LAMA1: variants seen among roughly 807,000 people sequenced by gnomAD.
The protein encoded by LAMA1 is laminin subunit alpha 1, also known as laminin subunit alpha-1.
A neutral mutation model predicts 348.7 loss-of-function variants in LAMA1; 219 were observed. The ratio of observed to expected loss-of-function variants is 0.63; its 90% CI spans 0.56 to 0.70. LAMA1 has a LOEUF of 0.70. Ranked by LOEUF, LAMA1 falls within the 30% of genes least tolerant of loss-of-function variation. LAMA1 has a pLI of 0.00. For missense variants in LAMA1, 3,744 were observed against 3,888.0 expected, an observed-to-expected ratio of 0.96 and a Z score of 0.99; for synonymous variants, 1,487 against 1,491.0, an observed-to-expected ratio of 1.00 and a Z score of 0.06.
At chr18:7,079,742 A>G (rs766603265) in intron 3 of LAMA1, 47 of 551,660 alleles carry the variant, frequency 8.5e-5, no homozygotes, top group Admixed American at 4.5e-4. Context: ...TTCGAAGAAC[A>G]TCAACCATAT....
In LAMA1 at chr18:6,949,202, G is replaced by C. The variant is rs2057535537; in HGVS notation, c.8455C>G (p.Pro2819Ala). Residue 2819 changes from proline (P) to alanine (A), a missense_variant, in exon 59 of 63, where the codon CCC becomes GCC. Around this residue, in one of 3 missense-constraint regions of LAMA1, gnomAD observed 1,983 missense variants for 1,934.3 expected, o/e 1.03. Transcript: ENST00000389658. ...GFITVDGRES[P>A]MVTVVGDGTM... The stretch of plus-strand genomic sequence containing the variant: ...CCATCTCCCACCACAGTCACCATGG[G>C]AGACTCTCGGCCGTCGACAGTTATG... 7 of 1,614,172 alleles carry C rather than the reference G, an allele frequency of 4.3e-6. No homozygotes were observed. Among genetic ancestry groups the C allele is most frequent in the Non-Finnish European group, 5.9e-6 (7 of 1,180,034 alleles).
At chr18:7,084,407 G>A (rs1222522150) in intron 1 of LAMA1, among the ~76,000 whole-genome samples, 1 of 152,170 alleles carries the variant, frequency 6.6e-6, no homozygotes, top group African/African-American at 2.4e-5. Context: ...AACGAGGACT[G>A]TAGCTATGTG....
At chr18:7,105,039 A>T (rs773450341) in intron 1 of LAMA1, among the ~76,000 whole-genome samples, 1 of 152,226 alleles carries the variant, frequency 6.6e-6, no homozygotes, top group Non-Finnish European at 1.5e-5. Context: ...TATGGAAAGG[A>T]AAATGGCTCG....
Position 7,033,087 on chromosome 18 carries a change from G to T in LAMA1, c.2060C>A (p.Ser687Tyr). Residue 687 changes from serine to tyrosine, a missense_variant, in exon 15 of 63, where the codon TCC becomes TAC. Coordinates refer to ENST00000389658, the MANE Select transcript of LAMA1 (RefSeq NM_005559.4). ...SAKMALYRLE[S>Y]VSLDIASSNA... ...AGAGCTGGCTATGTCCAGAGAGACG[G>T]ACTCCAACCTACAAATAGACAGATT... 1 of 1,607,470 alleles carries T rather than the reference G, an allele frequency of 6.2e-7. No individual in the cohort carries two copies. The highest frequency in any genetic ancestry group is 1.1e-5 in the South Asian group (1 of 90,036).
intron 43 of LAMA1, 112 bp downstream of exon 43, chr18:6,978,084 G>C (rs955297630): frequency 2.8e-6 from 4 of 1,436,922 alleles, no homozygotes; most frequent in Non-Finnish European, 3.9e-6. Flanking sequence ...CCAGATGTTA[G>C]CATACTTCTA....
chr18:6,993,621 C>A lies in LAMA1; in HGVS notation c.5008+20G>T. 6.6e-7 allele frequency: 1 copy of A among 1,526,226 alleles called. No individual in the cohort carries two copies. Among genetic ancestry groups the A allele is most frequent in the African/African-American group, 1.4e-5 (1 of 73,516 alleles). 94.5% of individuals were successfully genotyped at this position (1,526,226 alleles called of 1,614,324 possible). ...ACTAGATAAGCACAGATACTTCAAACTAGACACTGCCCACACTACCTGTGA... is the reference window on the plus strand; with the variant it reads ...ACTAGATAAGCACAGATACTTCAAAATAGACACTGCCCACACTACCTGTGA... On this transcript the variant is annotated intron_variant, in intron 35 of 62. Transcript: ENST00000389658.
intron 60 of LAMA1, 43 bp downstream of exon 60, chr18:6,948,360 G>C (rs768515242): frequency 1.9e-6 from 3 of 1,613,330 alleles, no homozygotes; most frequent in Non-Finnish European, 1.7e-6. Context: ...TTAGAGTACA[G>C]ACTCATTCGG....
intron 1 of LAMA1, among the ~76,000 whole-genome samples, chr18:7,105,563 G>A (rs1158308981): frequency 6.6e-6 from 1 of 152,214 alleles, no homozygotes; most frequent in African/African-American, 2.4e-5. Context: ...GAAGGTGCAA[G>A]AGGAGATCAG....
chr18:7,079,953 CA>C, intron 3 of LAMA1, 21 bp downstream of exon 3: 1 of 1,549,098 alleles, frequency 6.5e-7, no homozygotes, highest in Non-Finnish European at 8.9e-7. Flanking sequence ...AGACACTCTT[CA>C]ATGGTTCTGG....
chr18:7,058,332 T>C (rs1313206180), intron 3 of LAMA1, among the ~76,000 whole-genome samples: 1 of 152,036 alleles, frequency 6.6e-6, no homozygotes. Flanking sequence ...GTCCTCAAGG[T>C]CCCCAAACTG....
chr18:7,007,330 G>C, intron 28 of LAMA1, 54 bp from the exon 29 acceptor site: 1 of 1,541,498 alleles, frequency 6.5e-7, no homozygotes, highest in Middle Eastern at 1.8e-4. Context: ...GTGAGTGAAG[G>C]ACTTGAATAG....
At chr18:7,003,303 T>G (rs13381337) in intron 29 of LAMA1, among the ~76,000 whole-genome samples, 11,503 of 151,068 alleles carry the variant, frequency 0.076, 508 homozygotes, top group African/African-American at 0.11. Flanking sequence ...CAGGCCAGAG[T>G]GCAGAGGCAT....
chr18:7,087,684 C>A (rs760879935), intron 1 of LAMA1, among the ~76,000 whole-genome samples: 8 of 152,136 alleles, frequency 5.3e-5, no homozygotes, highest in African/African-American at 1.9e-4. Flanking sequence ...ACTCTGAAAT[C>A]GCTAGTGCCT....
At chr18:7,070,119 G>A (rs2058139813) in intron 3 of LAMA1, among the ~76,000 whole-genome samples, 1 of 152,170 alleles carries the variant, frequency 6.6e-6, no homozygotes, top group Admixed American at 6.5e-5. Flanking sequence ...AATGTCTGAA[G>A]GACAGGAATT....
At position 6,961,779 on chromosome 18, in the gene LAMA1, A is replaced by G. The variant is rs759668567; in HGVS notation, c.7453-20T>C. On this transcript the variant is annotated intron_variant, in intron 52 of 62. Coordinates refer to ENST00000389658, the MANE Select transcript of LAMA1 (RefSeq NM_005559.4). ...GATGGGCTGGACACAGAGGAGATGG[A>G]ACAGCATGGTGAGTTCCTAGCTGCG... 1 of 1,613,988 alleles carries G rather than the reference A, an allele frequency of 6.2e-7. No homozygotes were observed. The highest frequency in any genetic ancestry group is 1.7e-5 in the Admixed American group (1 of 60,020).
chr18:6,997,739 T>C lies in LAMA1; in HGVS notation c.4806+3A>G. The C allele has an allele frequency of 6.2e-7, 1 of 1,612,760 alleles. No individual in the cohort carries two copies. Among genetic ancestry groups the C allele is most frequent in the South Asian group, 1.1e-5 (1 of 91,054 alleles). ...TGTTCATCTCTGTATTTCCAGTACC[T>C]ACCTGGAGATATTTAGTTGTATTTT... is the stretch of plus-strand genomic sequence containing the variant. On this transcript the variant is annotated splice_donor_region_variant and intron_variant, in intron 33 of 62. Transcript: ENST00000389658.
At position 6,985,232 on chromosome 18, in the gene LAMA1, C is replaced by A. The variant is rs767853385; in HGVS notation, c.5660+5G>T. 20 of 1,613,898 alleles carry A rather than the reference C, an allele frequency of 1.2e-5. No homozygotes were observed. The Admixed American group carries it at 3.3e-4, about 27-fold the overall frequency. On this transcript the variant is annotated splice_donor_5th_base_variant and intron_variant, in intron 39 of 62. Transcript: ENST00000389658. ...TCTTGAGTTCCCACAAAGGCGTGTT[C>A]CTACCTGTACAGAACATCTGCTAGT...
At chr18:7,018,173 T>C (rs2057897552) in intron 19 of LAMA1, among the ~76,000 whole-genome samples, 1 of 151,086 alleles carries the variant, frequency 6.6e-6, no homozygotes, top group South Asian at 2.1e-4. Context: ...CCATCTCTAC[T>C]AAAAATACAA....
rs868677162 is a variant in LAMA1, at chr18:7,098,546, G to A, written c.62-18089C>T. ...AGCACCTCTGCCCGGCTGCGACCCC[G>A]TCTGGGAGGTGAGGAGCATCTCTGC... On this transcript the variant is annotated intron_variant, in intron 1 of 62. Coordinates refer to ENST00000389658, the MANE Select transcript of LAMA1 (RefSeq NM_005559.4). Among the ~76,000 whole-genome samples the A allele has an allele frequency of 3.9e-3, 594 of 151,056 alleles. 1 individual carries two copies. The highest frequency in any genetic ancestry group is 0.014 in the African/African-American group (565 of 41,024).
Sources: allele counts gnomAD v4.1 joint callset (sites outside exome capture counted in the v4.1 genomes callset), GRCh38; gene constraint gnomAD v4.1.1; regional missense constraint gnomAD v4.1.1; transcripts MANE v1.5; gene names NCBI Gene and HGNC (gene_info 2026-07-23, HGNC 2026-07-21).